TBCD: variants seen among roughly 807,000 people sequenced by gnomAD.
TBCD encodes tubulin folding cofactor D, also known as tubulin-specific chaperone D.
Under a neutral mutation model 169.3 loss-of-function variants are expected in TBCD, and 105 were observed. The observed-to-expected ratio is 0.62, with a 90% CI of 0.53 to 0.73. TBCD has a LOEUF of 0.73. Ranked by LOEUF, TBCD falls within the 30% of genes least tolerant of loss-of-function variation. TBCD has a pLI of 0.00. For missense variants in TBCD, 1,444 were observed against 1,600.1 expected (o/e 0.90, Z 1.66); for synonymous variants, 700 against 643.9 (o/e 1.09, Z -1.32).
intron 20 of TBCD, among the ~76,000 whole-genome samples, chr17:82,906,379 C>T (rs1330546659): frequency 1.3e-5 from 2 of 152,256 alleles, no homozygotes; most frequent in African/African-American, 4.8e-5. Context: ...GAGGTCATAA[C>T]AGCAAAGGTC....
At chr17:82,892,595 C>G (rs548832848) in intron 16 of TBCD, among the ~76,000 whole-genome samples, 68 of 152,244 alleles carry the variant, frequency 4.5e-4, no homozygotes, top group African/African-American at 1.3e-3. Context: ...GTTACGTTGA[C>G]TTGCGAAGCT....
At chr17:82,899,120 G>C (rs1390218042) in intron 17 of TBCD, among the ~76,000 whole-genome samples, 2 of 151,042 alleles carry the variant, frequency 1.3e-5, no homozygotes, top group Admixed American at 1.3e-4. Flanking sequence ...CAGCGCGTGT[G>C]TCCTCAGTGC....
At chr17:82,893,788 A>G (rs563180955) in intron 17 of TBCD, among the ~76,000 whole-genome samples, 156 bp downstream of exon 17, 3 of 152,260 alleles carry the variant, frequency 2.0e-5, no homozygotes, top group Non-Finnish European at 4.4e-5. Flanking sequence ...GGGAACAGTG[A>G]CTGAAACTTG....
At chr17:82,760,039 A>G (rs1480101857) in intron 2 of TBCD, among the ~76,000 whole-genome samples, 1 of 151,118 alleles carries the variant, frequency 6.6e-6, no homozygotes, top group African/African-American at 2.4e-5. Flanking sequence ...ACGCCTGGCT[A>G]ATTTTTGTAT....
At chr17:82,876,912 G>C (rs1599136291) in intron 14 of TBCD, 1 of 979,524 alleles carries the variant, frequency 1.0e-6, no homozygotes, top group Non-Finnish European at 1.2e-6. Flanking sequence ...CCTGCTGTCA[G>C]CCGGTCTGAC....
chr17:82,900,598 A>G, intron 17 of TBCD, 53 bp from the exon 18 acceptor site: 1 of 1,406,622 alleles, frequency 7.1e-7, no homozygotes, highest in Non-Finnish European at 1.0e-6. Flanking sequence ...ACCCACAGGC[A>G]GTGAGTTCTC....
chr17:82,938,999 C>T (rs2062887060), intron 36 of TBCD: 1 of 350,110 alleles, frequency 2.9e-6, no homozygotes, highest in South Asian at 2.7e-5. Context: ...GGTGAGGGAG[C>T]AGGTTGGTTA....
intron 2 of TBCD, among the ~76,000 whole-genome samples, chr17:82,761,194 C>T (rs868272463): frequency 6.6e-6 from 1 of 152,120 alleles, no homozygotes; most frequent in Non-Finnish European, 1.5e-5. Context: ...GAACTCCTGA[C>T]CTCAGGTGAT....
At chr17:82,851,946 G>T (rs1240264604) in intron 13 of TBCD, among the ~76,000 whole-genome samples, 1 of 152,210 alleles carries the variant, frequency 6.6e-6, no homozygotes, top group South Asian at 2.1e-4. Context: ...GCATCTGCTT[G>T]TAAGCGGGAA....
At chr17:82,891,529 C>CTGAG (rs1180459434) in intron 16 of TBCD, among the ~76,000 whole-genome samples, 1 of 152,198 alleles carries the variant, frequency 6.6e-6, no homozygotes, top group East Asian at 1.9e-4. Context: ...CCATGTCCTG[C>CTGAG]TGAGGTTGGA....
At chr17:82,926,752 AG>A in intron 28 of TBCD, 1 of 561,872 alleles carries the variant, frequency 1.8e-6, no homozygotes, top group East Asian at 3.0e-5. Context: ...AGGTTGGCAA[AG>A]AGGAGCTGAC....
intron 30 of TBCD, 109 bp from the exon 31 acceptor site, chr17:82,929,004 C>A: frequency 7.1e-7 from 1 of 1,412,230 alleles, no homozygotes; most frequent in Non-Finnish European, 9.5e-7. Flanking sequence ...GCCCGCATGT[C>A]CTCGTGGTGC....
chr17:82,821,734 C>T (rs11658083), intron 13 of TBCD, among the ~76,000 whole-genome samples: 5,130 of 152,224 alleles, frequency 0.034, 118 homozygotes, highest in Non-Finnish European at 0.051. Context: ...CTGCAACTTT[C>T]TGAAGGTTGG....
intron 21 of TBCD, among the ~76,000 whole-genome samples, chr17:82,908,920 C>CA (rs1420030652): frequency 2.0e-5 from 3 of 152,190 alleles, no homozygotes; most frequent in Non-Finnish European, 2.9e-5. Flanking sequence ...AGCTCTCTTA[C>CA]AAAAAAAGAA....
At chr17:82,855,990 C>G (rs2056241421) in intron 13 of TBCD, among the ~76,000 whole-genome samples, 1 of 138,252 alleles carries the variant, frequency 7.2e-6, no homozygotes, top group Non-Finnish European at 1.5e-5. Flanking sequence ...GACTCCCCCC[C>G]CACTTTTTTT....
At chr17:82,879,743 AC>A (rs1330060369) in intron 14 of TBCD, among the ~76,000 whole-genome samples, 1 of 152,098 alleles carries the variant, frequency 6.6e-6, no homozygotes, top group East Asian at 1.9e-4. Context: ...CTGCTCCCCA[AC>A]CCTGGGCCAA....
At position 82,920,439 on chromosome 17, in the gene TBCD, G is replaced by C; in HGVS notation, c.2039-117G>C. 1.2e-6 allele frequency: 1 copy of C among 834,334 alleles called. No homozygotes were observed. 51.7% of individuals were successfully genotyped at this position (834,334 alleles called of 1,614,324 possible). ...CAGCCCTGGCAGCAGGGTAGGTTGG[G>C]CGGGTGAGGGGCAGGAGCTGGCCGC... On this transcript the variant is annotated intron_variant, in intron 23 of 38. Coordinates refer to ENST00000355528, the MANE Select transcript of TBCD (RefSeq NM_005993.5). The surrounding 1 kb of genome is among the most constrained non-coding windows in gnomAD (Gnocchi z 4.1).
intron 15 of TBCD, among the ~76,000 whole-genome samples, chr17:82,886,499 A>T (rs746438235): frequency 1.4e-4 from 21 of 150,892 alleles, no homozygotes; most frequent in Admixed American, 1.3e-3. Context: ...CTCACAGTTA[A>T]AGTAAAGGCA....
chr17:82,827,949 G>A (rs1333420564), intron 13 of TBCD, among the ~76,000 whole-genome samples: 1 of 143,528 alleles, frequency 7.0e-6, no homozygotes, highest in Non-Finnish European at 1.5e-5. Flanking sequence ...CCACACGATT[G>A]AATGTGCATA....
Sources: allele counts gnomAD v4.1 joint callset (sites outside exome capture counted in the v4.1 genomes callset), GRCh38; gene constraint gnomAD v4.1.1; non-coding constraint Gnocchi (gnomAD v3.1); transcripts MANE v1.5; gene names NCBI Gene and HGNC (gene_info 2026-07-23, HGNC 2026-07-21).